Variants in KLF17 observed in about 807,000 individuals in gnomAD.
The protein encoded by KLF17 is Krueppel-like factor 17.
In KLF17, 31 loss-of-function variants were observed where a neutral mutation model predicts 34.2. The ratio of observed to expected loss-of-function variants is 0.91; its 90% CI spans 0.68 to 1.22. KLF17 has a LOEUF of 1.22. KLF17 is among the 50% of genes most tolerant of loss of function. The pLI is 0.00. For missense variants in KLF17, 478 were observed against 505.2 expected (o/e 0.95, Z 0.52); for synonymous variants, 179 against 186.7 (o/e 0.96, Z 0.34).
At chr1:44,109,971 G>A in the KLF17 span, among the ~76,000 whole-genome samples, 29 of 142,528 alleles carry the variant, frequency 2.0e-4, no homozygotes, top group Middle Eastern at 8.3e-3. Flanking sequence ...GCAATGGCAC[G>A]ATCTCGGCTC....
the KLF17 span, among the ~76,000 whole-genome samples, chr1:44,065,979 A>C: frequency 6.6e-6 from 1 of 152,222 alleles, no homozygotes; most frequent in East Asian, 1.9e-4. Context: ...AATGTAGTTA[A>C]GTCTAGAATA....
the KLF17 span, among the ~76,000 whole-genome samples, chr1:44,056,072 G>T: frequency 6.6e-6 from 1 of 152,084 alleles, no homozygotes; most frequent in African/African-American, 2.4e-5. Flanking sequence ...CTCTCATGCC[G>T]CATCTCAGCT....
the KLF17 span, among the ~76,000 whole-genome samples, chr1:44,073,320 C>T: frequency 6.6e-6 from 1 of 151,618 alleles, no homozygotes; most frequent in African/African-American, 2.4e-5. Context: ...GATTCTCCAG[C>T]CTCAGCCTCC....
chr1:44,104,767 T>C, the KLF17 span: 1 of 255,768 alleles, frequency 3.9e-6, no homozygotes, highest in Non-Finnish European at 7.7e-6. Flanking sequence ...AATTGAGAAA[T>C]ATATTGTGAT....
chr1:44,093,506 T>C, the KLF17 span, among the ~76,000 whole-genome samples: 1 of 152,204 alleles, frequency 6.6e-6, no homozygotes, highest in African/African-American at 2.4e-5. Context: ...GCGATTCTCC[T>C]GCCTCAGCCT....
the KLF17 span, among the ~76,000 whole-genome samples, chr1:44,053,912 A>G: frequency 1.3e-5 from 2 of 152,228 alleles, no homozygotes; most frequent in Admixed American, 6.5e-5. Context: ...GCCATGCCAT[A>G]TCGTGTGGGA....
At chr1:44,112,814 C>T in the KLF17 span, among the ~76,000 whole-genome samples, 681 of 152,314 alleles carry the variant, frequency 4.5e-3, 4 homozygotes, top group African/African-American at 0.016. Context: ...GTAAGGAAAG[C>T]TTGGACTGGG....
chr1:44,082,426 G>C, the KLF17 span, among the ~76,000 whole-genome samples: 1 of 152,174 alleles, frequency 6.6e-6, no homozygotes, highest in Non-Finnish European at 1.5e-5. Flanking sequence ...GGAAGTATTG[G>C]AAATTACACC....
chr1:44,079,687 G>A, the KLF17 span, among the ~76,000 whole-genome samples: 2 of 152,108 alleles, frequency 1.3e-5, no homozygotes, highest in African/African-American at 2.4e-5. Context: ...TGACAAATCA[G>A]TCAGATTTAA....
chr1:44,130,494 C>T lies in KLF17; in HGVS notation c.926-18C>T. ...TCCTACTGTATTCTAAATTCCATCTCTCCCTTGTCATTCCCAGGTGAGAGG... is the reference window on the plus strand; with the variant it reads ...TCCTACTGTATTCTAAATTCCATCTTTCCCTTGTCATTCCCAGGTGAGAGG... On this transcript the variant is annotated intron_variant, in intron 2 of 3. Coordinates refer to ENST00000372299, the MANE Select transcript of KLF17 (RefSeq NM_173484.4). 6.2e-7 allele frequency: 1 copy of T among 1,613,996 alleles called. No individual in the cohort carries two copies. Among genetic ancestry groups the T allele is most frequent in the Non-Finnish European group, 8.5e-7 (1 of 1,179,888 alleles).
At chr1:44,103,583 C>G in the KLF17 span, 2 of 1,591,206 alleles carry the variant, frequency 1.3e-6, no homozygotes, top group Non-Finnish European at 1.7e-6. Flanking sequence ...TCTCCTCGCC[C>G]TCTAGCAGCT....
chr1:44,104,374 T>C, the KLF17 span: 1 of 1,106,910 alleles, frequency 9.0e-7, no homozygotes, highest in Non-Finnish European at 1.4e-6. Flanking sequence ...TCCGTGTTGC[T>C]CCCAGCCGTC....
the KLF17 span, among the ~76,000 whole-genome samples, chr1:44,094,361 T>C: frequency 7.2e-4 from 110 of 152,310 alleles, no homozygotes; most frequent in African/African-American, 2.5e-3. Flanking sequence ...TGATCCTGTT[T>C]TTCCATTTTT....
chr1:44,085,018 T>G, the KLF17 span, among the ~76,000 whole-genome samples: 2 of 151,776 alleles, frequency 1.3e-5, no homozygotes, highest in Non-Finnish European at 2.9e-5. Flanking sequence ...ATGAGGTACT[T>G]GTATTTATGG....
chr1:44,103,544 C>T, the KLF17 span: 1 of 1,403,074 alleles, frequency 7.1e-7, no homozygotes, highest in Admixed American at 1.7e-5. Flanking sequence ...TATGGATACT[C>T]CTGTTCTGCA....
the KLF17 span, chr1:44,088,102 C>G: frequency 5.9e-6 from 1 of 168,444 alleles, no homozygotes; most frequent in Non-Finnish European, 1.2e-5. Context: ...GCCAAGCACT[C>G]TTATTTTTAT....
intron 1 of KLF17, 121 bp downstream of exon 1, chr1:44,119,109 A>G (rs1571982819): frequency 3.2e-6 from 1 of 315,778 alleles, no homozygotes; most frequent in South Asian, 5.0e-5. Context: ...TAGAAATCCG[A>G]GGGGAGGGGT....
chr1:44,090,306 CAAA>C, the KLF17 span, among the ~76,000 whole-genome samples: 20 of 23,404 alleles, frequency 8.5e-4, no homozygotes, highest in East Asian at 0.017. Context: ...CTTGTCTCTA[CAAA>C]AAAAAAAAAA....
rs138729005 is a variant in KLF17 at position 44,128,297 on chromosome 1, C to T, written c.82-1056C>T. 8.5e-4 allele frequency among the ~76,000 whole-genome samples: 129 copies of T among 152,278 alleles called. 2 individuals carry two copies. Among genetic ancestry groups the T allele is most frequent in the Non-Finnish European group, 1.1e-3 (76 of 68,014 alleles). On this transcript the variant is annotated intron_variant, in intron 1 of 3. Coordinates refer to ENST00000372299, the MANE Select transcript of KLF17 (RefSeq NM_173484.4). ...CTGAGCTCAAGCAATCCACCTGCCT[C>T]GGCCTCCCAAAGTGCTGGGATTACC... is the stretch of plus-strand genomic sequence containing the variant.
Sources: allele counts gnomAD v4.1 joint callset (sites outside exome capture counted in the v4.1 genomes callset), GRCh38; gene constraint gnomAD v4.1.1; transcripts MANE v1.5; gene names NCBI Gene and HGNC (gene_info 2026-07-23, HGNC 2026-07-21).